Variants in FNDC3B observed in about 807,000 individuals in gnomAD.
FNDC3B encodes the protein fibronectin type III domain containing 3B.
A neutral mutation model predicts 151.5 loss-of-function variants in FNDC3B; 12 were observed. The observed-to-expected ratio is 0.08, with a 90% confidence interval of 0.05 to 0.13. The LOEUF is 0.13. Among genes scored for constraint, FNDC3B ranks in the 10% least tolerant of loss-of-function variants. The pLI is 1.00. For synonymous variants in FNDC3B, 528 were observed against 549.0 expected (o/e 0.96, Z 0.54); for missense variants, 1,214 against 1,505.3 (o/e 0.81, Z 3.20).
At position 172,362,732 on chromosome 3, in the gene FNDC3B, A is replaced by C. The variant is rs201405142; in HGVS notation, c.2895A>C (p.Glu965Asp). 6.3e-5 allele frequency: 102 copies of C among 1,613,940 alleles called. No homozygotes were observed. The highest frequency in any genetic ancestry group is 7.9e-5 in the Non-Finnish European group (93 of 1,179,990). ...RPLPPLPPRL[E>D]CAAAGPQSLK... ...TACCACCCTTGCCTCCTAGGCTAGAATGTGCTGCTGCTGGTCCTCAGAGCC... is the reference window on the plus strand; with the variant it reads ...TACCACCCTTGCCTCCTAGGCTAGACTGTGCTGCTGCTGGTCCTCAGAGCC... Residue 965 changes from glutamate to aspartate, a missense_variant, in exon 23 of 26, where the codon GAA (glutamate) becomes GAC (aspartate). By Grantham distance (45) the Glu-to-Asp change is conservative (BLOSUM62 2). Transcript: ENST00000415807.
intron 10 of FNDC3B, among the ~76,000 whole-genome samples, chr3:172,308,391 T>C (rs1045846144): frequency 6.6e-6 from 1 of 152,222 alleles, no homozygotes; most frequent in Admixed American, 6.5e-5. Context: ...TATTTTAAAA[T>C]ATAATTTAAA....
intron 1 of FNDC3B, among the ~76,000 whole-genome samples, chr3:172,060,895 CAA>C (rs1158798384): frequency 2.6e-5 from 4 of 152,258 alleles, no homozygotes; most frequent in African/African-American, 9.6e-5. Flanking sequence ...AACTTTCAAT[CAA>C]GAGGAATAAC....
intron 3 of FNDC3B, among the ~76,000 whole-genome samples, chr3:172,142,569 G>A (rs1404887992): frequency 6.6e-6 from 1 of 152,146 alleles, no homozygotes; most frequent in Non-Finnish European, 1.5e-5. Context: ...TATTCTTTCT[G>A]TATTTTTTAC....
rs147667100 is a variant in FNDC3B at position 172,397,277 on chromosome 3, C to T, written c.3417C>T (p.Ser1139=). ...GTTTAGACACCTCTCAGGAGCTAAG[C>T]GGAGCCTTCAGCCCCTCTGCGGCTT... The part of the protein sequence containing the change: ...RRCLDTSQEL[S]GAFSPSAAFV... Residue 1139 remains serine, a synonymous_variant, in exon 26 of 26, where the codon AGC becomes AGT. Coordinates refer to ENST00000415807, the MANE Select transcript of FNDC3B (RefSeq NM_022763.4). The T allele has an allele frequency of 2.5e-6, 4 of 1,614,178 alleles. No individual in the cohort carries two copies. Among genetic ancestry groups the T allele is most frequent in the East Asian group, 2.2e-5 (1 of 44,884 alleles).
chr3:172,169,003 G>GT (rs1288711611), intron 3 of FNDC3B, among the ~76,000 whole-genome samples: 1 of 151,248 alleles, frequency 6.6e-6, no homozygotes, highest in Non-Finnish European at 1.5e-5. Flanking sequence ...GCGAGCCACT[G>GT]TGCCCAGCTT....
At chr3:172,187,097 C>G (rs1724225809) in intron 3 of FNDC3B, 1 of 216,628 alleles carries the variant, frequency 4.6e-6, no homozygotes, top group African/African-American at 2.3e-5. Context: ...TTGAGAAGTC[C>G]TTCATGGAAA....
In FNDC3B at chr3:172,344,130, G is replaced by A. The variant is rs746870473; in HGVS notation, c.2122G>A (p.Val708Met). Reference sequence around the variant, plus strand: ...TGGCTGTGAGGTCTCAGAGTACAGCGTGGAGATGACGGAGCCCGAAGACGT... The same window carrying A: ...TGGCTGTGAGGTCTCAGAGTACAGCATGGAGATGACGGAGCCCGAAGACGT... Reference protein sequence around the residue: ...ESGCEVSEYSVEMTEPEDVAS... With the variant: ...ESGCEVSEYSMEMTEPEDVAS... The change falls in exon 19 of 26, where the codon GTG becomes ATG. Residue 708 changes from valine to methionine, a missense_variant. Physicochemically the swap from Val to Met is conservative, Grantham distance 21. Coordinates refer to ENST00000415807, the MANE Select transcript of FNDC3B (RefSeq NM_022763.4). 6.8e-5 allele frequency: 110 copies of A among 1,614,046 alleles called. No individual in the cohort carries two copies. The highest frequency in any genetic ancestry group is 8.8e-5 in the South Asian group (8 of 91,084).
intron 6 of FNDC3B, among the ~76,000 whole-genome samples, chr3:172,262,799 A>G (rs969409037): frequency 2.1e-4 from 30 of 143,764 alleles, no homozygotes; most frequent in African/African-American, 7.6e-4. Context: ...TGGGAAGCTG[A>G]GATGGGAGCA....
chr3:172,089,933 C>T (rs1718727974), intron 1 of FNDC3B, among the ~76,000 whole-genome samples: 1 of 152,174 alleles, frequency 6.6e-6, no homozygotes, highest in Admixed American at 6.5e-5. Context: ...ATGATTTCGA[C>T]ATATATAATT....
chr3:172,077,888 C>T (rs1475450137), intron 1 of FNDC3B, among the ~76,000 whole-genome samples: 2 of 152,108 alleles, frequency 1.3e-5, no homozygotes, highest in African/African-American at 2.4e-5. Flanking sequence ...CAAAATAAAG[C>T]ACACAGAAAA....
intron 13 of FNDC3B, 53 bp downstream of exon 13, chr3:172,330,768 T>C: frequency 7.1e-7 from 1 of 1,406,726 alleles, no homozygotes; most frequent in Non-Finnish European, 9.9e-7. Flanking sequence ...TCAGTATTAT[T>C]ATAGCTACAG....
At chr3:172,273,874 A>G (rs1302025741) in intron 6 of FNDC3B, among the ~76,000 whole-genome samples, 3 of 152,210 alleles carry the variant, frequency 2.0e-5, no homozygotes, top group Non-Finnish European at 4.4e-5. Context: ...AGAAAACAAC[A>G]CAGGGATATT....
At chr3:172,055,256 A>G (rs1223240402) in intron 1 of FNDC3B, among the ~76,000 whole-genome samples, 1 of 152,166 alleles carries the variant, frequency 6.6e-6, no homozygotes, top group Non-Finnish European at 1.5e-5. Context: ...TACATATCTT[A>G]ATGTACTATA....
At chr3:172,303,355 C>G (rs1731031000) in intron 9 of FNDC3B, among the ~76,000 whole-genome samples, 1 of 152,152 alleles carries the variant, frequency 6.6e-6, no homozygotes, top group Admixed American at 6.5e-5. Context: ...CATATAATGA[C>G]ATTTCCCAGA....
intron 1 of FNDC3B, among the ~76,000 whole-genome samples, chr3:172,089,884 G>T (rs931908722): frequency 2.0e-5 from 3 of 152,170 alleles, no homozygotes; most frequent in African/African-American, 4.8e-5. Context: ...TGAATTCCCA[G>T]GTCGGCCATC....
At chr3:172,197,735 A>T (rs1206651009) in intron 3 of FNDC3B, among the ~76,000 whole-genome samples, 1 of 152,232 alleles carries the variant, frequency 6.6e-6, no homozygotes. Context: ...ATATATCCTC[A>T]TGATTAGATC....
intron 1 of FNDC3B, among the ~76,000 whole-genome samples, chr3:172,102,727 G>A (rs901396501): frequency 3.3e-5 from 5 of 152,178 alleles, no homozygotes; most frequent in African/African-American, 7.2e-5. Flanking sequence ...AGCTTCTGGC[G>A]CTGGGGAGGA....
chr3:172,394,106 TAAAAAAAA>T (rs60559371), intron 25 of FNDC3B, among the ~76,000 whole-genome samples: 313 of 16,652 alleles, frequency 0.019, 10 homozygotes, highest in East Asian at 0.034. Flanking sequence ...AGACTCCTTC[TAAAAAAAA>T]AAAAAAAAAA....
intron 3 of FNDC3B, among the ~76,000 whole-genome samples, chr3:172,190,395 G>A (rs1724443686): frequency 6.6e-6 from 1 of 152,198 alleles, no homozygotes; most frequent in Non-Finnish European, 1.5e-5. Flanking sequence ...GTTATCAGAA[G>A]GTGATGTAGA....
Sources: allele counts gnomAD v4.1 joint callset (sites outside exome capture counted in the v4.1 genomes callset), GRCh38; gene constraint gnomAD v4.1.1; transcripts MANE v1.5; gene names NCBI Gene and HGNC (gene_info 2026-07-23, HGNC 2026-07-21).